The following UGT2B17 variants were observed in gnomAD, a reference collection of about 807,000 sequenced individuals.
UGT2B17 encodes UDP glucuronosyltransferase family 2 member B17, also known as UDP-glucuronosyltransferase 2B17.
UGT2B17 carries 21 observed loss-of-function variants against 48.2 expected under a neutral mutation model. The ratio of observed to expected loss-of-function variants is 0.44; its 90% CI spans 0.31 to 0.63. The LOEUF (loss-of-function observed/expected upper bound fraction) is 0.63, where lower values mean the gene tolerates loss of function less well. Among genes scored for constraint, UGT2B17 ranks in the 20% least tolerant of loss-of-function variants. The probability of loss-of-function intolerance (pLI) is 0.08; values close to 1 mark genes in which losing one functional copy is unlikely to be tolerated. For missense variants in UGT2B17, 402 were observed against 696.1 expected (o/e 0.58, Z 4.75); for synonymous variants, 146 against 238.4 (o/e 0.61, Z 3.57).
Position 68,540,814 on chromosome 4 carries a change from G to A in UGT2B17, c.1314-2910C>T, listed in dbSNP as rs190874575. On this transcript the variant is annotated intron_variant, in intron 6 of 6. Transcript: ENST00000317746. ...CTCACTCCCATTCCATGCCCCGAAT[G>A]GCCCCGGTGTGTTTTGCTCCCCTCC... is the stretch of plus-strand genomic sequence containing the variant. 6.0e-4 allele frequency among the ~76,000 whole-genome samples: 74 copies of A among 124,126 alleles called. 17 individuals are homozygous for A. Among genetic ancestry groups the A allele is most frequent in the African/African-American group, 2.0e-3 (73 of 36,292 alleles). The allele number at this position is 124,126 out of a possible 152,430, so 81.4% of individuals were successfully genotyped here.
In UGT2B17 at chr4:68,537,788, A is replaced by G; in HGVS notation, c.1430T>C (p.Leu477Pro). ...GGTGAGGTTGTGGGCTGCGACCCGA[A>G]GGTGCTTGGCTCCTTTATGGCGCAT... ...FVMRHKGAKH[L>P]RVAAHNLTWI... Residue 477 changes from leucine to proline, a missense_variant, in exon 7 of 7, where the codon CTT becomes CCT. By Grantham distance (98) the Leu-to-Pro change is moderately conservative. Coordinates refer to ENST00000317746, the MANE Select transcript of UGT2B17 (RefSeq NM_001077.4). 1 of 1,379,836 alleles carries G rather than the reference A, an allele frequency of 7.2e-7. No homozygotes were observed. Among genetic ancestry groups the G allele is most frequent in the Non-Finnish European group, 9.5e-7 (1 of 1,055,060 alleles). The allele number at this position is 1,379,836 out of a possible 1,614,324, so 85.5% of individuals were successfully genotyped here.
chr4:68,565,457 C>A, intron 3 of UGT2B17, 115 bp downstream of exon 3: 1 of 987,142 alleles, frequency 1.0e-6, no homozygotes, highest in Non-Finnish European at 1.3e-6. Context: ...ATGGCAAGTC[C>A]TTTTTTTTGA....
At chr4:68,555,758 A>C (rs28828487) in intron 4 of UGT2B17, among the ~76,000 whole-genome samples, 67,104 of 120,978 alleles carry the variant, frequency 0.55, 25,958 homozygotes, top group Middle Eastern at 0.81. Context: ...GGGTATTTTT[A>C]AAAAAAAATT....
chr4:68,556,844 T>C (rs10015614), intron 4 of UGT2B17, among the ~76,000 whole-genome samples: 59,626 of 123,862 alleles, frequency 0.48, 23,233 homozygotes, highest in Middle Eastern at 0.76. Context: ...CTTGAGTTAC[T>C]ACTTTAGTCA....
chr4:68,561,723 G>C lies in UGT2B17; in HGVS notation c.874-1055C>G, dbSNP rs1236501097. 3.4e-5 allele frequency among the ~76,000 whole-genome samples: 4 copies of C among 117,222 alleles called. 1 individual carries two copies. Among genetic ancestry groups the C allele is most frequent in the African/African-American group, 1.2e-4 (4 of 34,070 alleles). The allele number at this position is 117,222 out of a possible 152,430, so 76.9% of individuals were successfully genotyped here. On this transcript the variant is annotated intron_variant, in intron 3 of 6. Coordinates refer to ENST00000317746, the MANE Select transcript of UGT2B17 (RefSeq NM_001077.4). ...ATTATTCTGACTTGTGTTTCCTGAT[G>C]TGTTCCTGTTTTTAAACTTAAATCC... is the stretch of plus-strand genomic sequence containing the variant.
chr4:68,570,672 A>T (rs1235415709), intron 1 of UGT2B17, among the ~76,000 whole-genome samples: 2 of 126,312 alleles, frequency 1.6e-5, no homozygotes, highest in African/African-American at 2.7e-5. Context: ...GTGCTGAAGC[A>T]TTTTGTTGAA....
In UGT2B17 at chr4:68,541,004, G is replaced by A. The variant is rs994574790; in HGVS notation, c.1314-3100C>T. ...TCCTTTTTATGGCACATAGTATGCC[G>A]CCATACTGTACATGCATCATATTTT... On this transcript the variant is annotated intron_variant, in intron 6 of 6. Coordinates refer to ENST00000317746, the MANE Select transcript of UGT2B17 (RefSeq NM_001077.4). Among the ~76,000 whole-genome samples, 34 of 125,326 alleles carry A rather than the reference G, an allele frequency of 2.7e-4. 9 individuals carry two copies. The highest frequency in any genetic ancestry group is 6.3e-4 in the African/African-American group (23 of 36,642). 82.2% of individuals were successfully genotyped at this position (125,326 alleles called of 152,430 possible).
rs1206722855 is a variant in UGT2B17, at chr4:68,561,564, CA to C, written c.874-897del. ...CTCATCCTCACTTTGCTGTGTCTCA[CA>C]GGGGGCACTTGAACCACAGTGGGAG... On this transcript the variant is annotated intron_variant, in intron 3 of 6. Transcript: ENST00000317746. 2.4e-5 allele frequency among the ~76,000 whole-genome samples: 3 copies of C among 123,936 alleles called. 1 individual carries two copies. Among genetic ancestry groups the C allele is most frequent in the Non-Finnish European group, 5.1e-5 (3 of 58,978 alleles). 81.3% of individuals were successfully genotyped at this position (123,936 alleles called of 152,430 possible). A position where few individuals can be genotyped will look rare whatever the true frequency, so the allele number is the denominator to read the frequency against.
At chr4:68,553,410 G>C (rs2109767405) in intron 4 of UGT2B17, among the ~76,000 whole-genome samples, 1 of 126,676 alleles carries the variant, frequency 7.9e-6, no homozygotes, top group Admixed American at 8.1e-5. Flanking sequence ...CAAAAATCTA[G>C]AGAAGGCTTC....
chr4:68,537,853 C>A lies in UGT2B17; in HGVS notation c.1365G>T (p.Val455=). Residue 455 remains valine (V), a synonymous_variant, in exon 7 of 7, where the codon GTG becomes GTT. Coordinates refer to ENST00000317746, the MANE Select transcript of UGT2B17 (RefSeq NM_001077.4). ...KLSRIHHDQP[V]KPLDRAVFWI... is the part of the protein sequence containing the mutation. ...AGAAGACTGCTCGATCCAGGGGCTT[C>A]ACCGGTTGATCATGATGAATTCTTG... 1 of 1,376,822 alleles carries A rather than the reference C, an allele frequency of 7.3e-7. No individual in the cohort carries two copies. The highest frequency in any genetic ancestry group is 9.5e-7 in the Non-Finnish European group (1 of 1,053,542). 85.3% of individuals were successfully genotyped at this position (1,376,822 alleles called of 1,614,324 possible).
In UGT2B17 at chr4:68,567,710, A is replaced by C. The variant is rs1731224256; in HGVS notation, c.724+51T>G. The C allele has an allele frequency of 1.7e-6, 2 of 1,203,242 alleles. 1 individual carries two copies. Among genetic ancestry groups the C allele is most frequent in the African/African-American group, 3.2e-5 (2 of 62,552 alleles). The allele number at this position is 1,203,242 out of a possible 1,614,324, so 74.5% of individuals were successfully genotyped here. The stretch of plus-strand genomic sequence containing the variant: ...TATATTTATATAAGCCCACCTTCAA[A>C]GGCACAGGAAAATTAGAACTTAATA... On this transcript the variant is annotated intron_variant, in intron 2 of 6. Coordinates refer to ENST00000317746, the MANE Select transcript of UGT2B17 (RefSeq NM_001077.4).
In UGT2B17 at chr4:68,550,707, T is replaced by C. The variant is rs368859012; in HGVS notation, c.1283A>G (p.Asn428Ser). ...GTCATTAATGACTGACTTCAATGCA[T>C]TGAGCAAATCTCTACTTGACATGGT... Reference protein sequence around the residue: ...IRTMSSRDLLNALKSVINDPI... With the variant: ...IRTMSSRDLLSALKSVINDPI... The change falls in exon 6 of 7, where the codon AAT (asparagine) becomes AGT (serine). Residue 428 changes from asparagine (N) to serine (S), a missense_variant. Physicochemically the swap from Asn to Ser is conservative, Grantham distance 46. Coordinates refer to ENST00000317746, the MANE Select transcript of UGT2B17 (RefSeq NM_001077.4). 2 of 1,377,972 alleles carry C rather than the reference T, an allele frequency of 1.5e-6. 1 individual carries two copies. Among genetic ancestry groups the C allele is most frequent in the Non-Finnish European group, 1.9e-6 (2 of 1,054,424 alleles). 85.4% of individuals were successfully genotyped at this position (1,377,972 alleles called of 1,614,324 possible).
At chr4:68,556,348 T>A (rs1159035718) in intron 4 of UGT2B17, among the ~76,000 whole-genome samples, 4 of 123,320 alleles carry the variant, frequency 3.2e-5, no homozygotes, top group African/African-American at 1.1e-4. Context: ...GGGTGTGAAA[T>A]AGTAACACTC....
In UGT2B17 at chr4:68,546,617, G is replaced by A. The variant is rs1239824652; in HGVS notation, c.1313+4060C>T. On this transcript the variant is annotated intron_variant, in intron 6 of 6. Transcript: ENST00000317746. The stretch of plus-strand genomic sequence containing the variant: ...AAGGAAATACAGGGTATTCAATTAG[G>A]AAAAGAGGAAGTCAAATTGTCCCTG... Among the ~76,000 whole-genome samples the A allele has an allele frequency of 2.4e-5, 3 of 125,588 alleles. 1 individual carries two copies. The highest frequency in any genetic ancestry group is 5.1e-5 in the Non-Finnish European group (3 of 59,388). The allele number at this position is 125,588 out of a possible 152,430, so 82.4% of individuals were successfully genotyped here.
At position 68,571,383 on chromosome 4, in the gene UGT2B17, T is replaced by C. The variant is rs1000224662; in HGVS notation, c.-64-2835A>G. The stretch of plus-strand genomic sequence containing the variant: ...AGCATAAGCTTTGTGTCCACATATA[T>C]CCAGTATAATCCGGTGGGGGCCGTC... On this transcript the variant is annotated intron_variant, in intron 1 of 6. Coordinates refer to ENST00000317746, the MANE Select transcript of UGT2B17 (RefSeq NM_001077.4). Among the ~76,000 whole-genome samples the C allele has an allele frequency of 1.8e-4, 23 of 125,200 alleles. 4 individuals are homozygous for C. The highest frequency in any genetic ancestry group is 6.3e-4 in the African/African-American group (23 of 36,586). 82.1% of individuals were successfully genotyped at this position (125,200 alleles called of 152,430 possible).
Position 68,564,706 on chromosome 4 carries a change from T to G in UGT2B17, c.873+866A>C, listed in dbSNP as rs1731167414. On this transcript the variant is annotated intron_variant, in intron 3 of 6. Transcript: ENST00000317746. The stretch of plus-strand genomic sequence containing the variant: ...AAGACTTTACTTTTTTGTTTGTTTA[T>G]TTGTTTGTTTTTGAGACAGAGTCTC... Among the ~76,000 whole-genome samples, 2 of 124,984 alleles carry G rather than the reference T, an allele frequency of 1.6e-5. 1 individual carries two copies. The allele number at this position is 124,984 out of a possible 152,430, so 82.0% of individuals were successfully genotyped here. A position where few individuals can be genotyped will look rare whatever the true frequency, so the allele number is the denominator to read the frequency against.
rs1371970850 is a variant in UGT2B17 at position 68,562,964 on chromosome 4, T to G, written c.874-2296A>C. ...GAAAAAATGGATTGTAATGGCTTGG[T>G]ATGCGCATTGTATAAGTTTTTAACC... is the stretch of plus-strand genomic sequence containing the variant. On this transcript the variant is annotated intron_variant, in intron 3 of 6. Coordinates refer to ENST00000317746, the MANE Select transcript of UGT2B17 (RefSeq NM_001077.4). 1.6e-5 allele frequency among the ~76,000 whole-genome samples: 2 copies of G among 126,400 alleles called. 1 individual carries two copies. Among genetic ancestry groups the G allele is most frequent in the Non-Finnish European group, 3.4e-5 (2 of 59,672 alleles). The allele number at this position is 126,400 out of a possible 152,430, so 82.9% of individuals were successfully genotyped here.
chr4:68,552,007 T>A lies in UGT2B17; in HGVS notation c.1006-96A>T. Reference sequence around the variant, plus strand: ...GAGATTAATAATCAGTTAATCCATATAAAAGATGAAGAAATAAGAAGAAGT... The same window carrying A: ...GAGATTAATAATCAGTTAATCCATAAAAAAGATGAAGAAATAAGAAGAAGT... On this transcript the variant is annotated intron_variant, in intron 4 of 6. Transcript: ENST00000317746. 2.3e-6 allele frequency: 2 copies of A among 866,136 alleles called. 1 individual carries two copies. Among genetic ancestry groups the A allele is most frequent in the Admixed American group, 6.4e-5 (2 of 31,378 alleles). The allele number at this position is 866,136 out of a possible 1,614,324, so 53.7% of individuals were successfully genotyped here. A position where few individuals can be genotyped will look rare whatever the true frequency, so the allele number is the denominator to read the frequency against.
intron 6 of UGT2B17, among the ~76,000 whole-genome samples, chr4:68,548,596 G>T (rs1730862934): frequency 8.0e-6 from 1 of 125,016 alleles, no homozygotes; most frequent in South Asian, 3.8e-4. Flanking sequence ...ACTTTGGGCA[G>T]CATGGCCATT....
Sources: gnomAD v4.1 joint callset for allele counts (sites outside exome capture counted in the v4.1 genomes callset) on GRCh38, gnomAD v4.1.1 for gene constraint, MANE v1.5 for transcripts, NCBI Gene and HGNC (gene_info 2026-07-23, HGNC 2026-07-21) for gene names.